The following BMP8A variants were observed in gnomAD, a reference collection of about 807,000 sequenced individuals.
The protein encoded by BMP8A is BMP-8A.
Under a neutral mutation model 36.8 loss-of-function variants are expected in BMP8A, and 14 were observed. The observed-to-expected ratio is 0.38, with a 90% confidence interval of 0.25 to 0.60. The LOEUF (loss-of-function observed/expected upper bound fraction) is 0.60. Ranked by LOEUF, BMP8A falls within the 20% of genes least tolerant of loss-of-function variation. The pLI, the probability that BMP8A is intolerant of heterozygous loss-of-function variation, is 0.63. For synonymous variants in BMP8A, 120 were observed against 237.7 expected, an observed-to-expected ratio of 0.50 and a Z score of 4.55; for missense variants, 267 against 551.1, an observed-to-expected ratio of 0.48 and a Z score of 5.16.
At chr1:39,505,985 C>CA (rs369981354) in intron 1 of BMP8A, among the ~76,000 whole-genome samples, 4,670 of 93,846 alleles carry the variant, frequency 0.05, 614 homozygotes, top group East Asian at 0.32. Flanking sequence ...GACCCTGTCT[C>CA]CAAAAAAAAA....
intron 1 of BMP8A, among the ~76,000 whole-genome samples, chr1:39,510,749 C>T (rs1034106997): frequency 5.3e-5 from 8 of 152,232 alleles, no homozygotes; most frequent in South Asian, 2.1e-4. Flanking sequence ...TCGGTTATGT[C>T]CCTGTCTACC....
chr1:39,514,612 TG>T (rs1645381037), intron 3 of BMP8A, among the ~76,000 whole-genome samples: 1 of 151,656 alleles, frequency 6.6e-6, no homozygotes, highest in East Asian at 2.0e-4. Context: ...CTGGGGAAGC[TG>T]GGGGGAAGCT....
intron 1 of BMP8A, among the ~76,000 whole-genome samples, chr1:39,504,209 A>T (rs1645278608): frequency 6.6e-6 from 1 of 150,410 alleles, no homozygotes; most frequent in Non-Finnish European, 1.5e-5. Flanking sequence ...AAGAAATAAG[A>T]TACAGAGAGA....
chr1:39,496,657 GGAGA>G (rs1196077120), intron 1 of BMP8A, among the ~76,000 whole-genome samples: 2 of 152,176 alleles, frequency 1.3e-5, no homozygotes, highest in Non-Finnish European at 2.9e-5. Context: ...TTGAAAGAGA[GGAGA>G]GAGAGGCTCA....
rs553914535 is a variant in BMP8A at position 39,510,171 on chromosome 1, G to C, written c.335-1003G>C. On this transcript the variant is annotated intron_variant, in intron 1 of 6. Coordinates refer to ENST00000331593, the MANE Select transcript of BMP8A (RefSeq NM_181809.4). Reference sequence around the variant, plus strand: ...AGCCCAGGCTCCTGGCCCGGGATTCGCACCCTCAGCAGGCAGGCCGCAGCA... The same window carrying C: ...AGCCCAGGCTCCTGGCCCGGGATTCCCACCCTCAGCAGGCAGGCCGCAGCA... Among the ~76,000 whole-genome samples the C allele has an allele frequency of 1.7e-4, 24 of 137,942 alleles. No homozygotes were observed. In the East Asian group the frequency reaches 5.1e-3, roughly 29 times the overall value. 90.5% of individuals were successfully genotyped at this position (137,942 alleles called of 152,430 possible). A position where few individuals can be genotyped will look rare whatever the true frequency, so the allele number is the denominator to read the frequency against.
chr1:39,506,722 C>T (rs1160149386), intron 1 of BMP8A, among the ~76,000 whole-genome samples: 2 of 152,076 alleles, frequency 1.3e-5, no homozygotes, highest in Non-Finnish European at 2.9e-5. Context: ...TCTTTGTGTA[C>T]TTCCTAGCAC....
chr1:39,525,629 T>C lies in BMP8A; in HGVS notation c.1060-20T>C. 1.2e-6 allele frequency: 2 copies of C among 1,612,848 alleles called. No homozygotes were observed. Among genetic ancestry groups the C allele is most frequent in the Non-Finnish European group, 1.7e-6 (2 of 1,179,904 alleles). On this transcript the variant is annotated intron_variant, in intron 6 of 6. Transcript: ENST00000331593. ...AGGCCACTGGCCTCATGCCCCTGCCTGTGCTCCCTTCCTGGCCAGGTGCAC... is the reference window on the plus strand; with the variant it reads ...AGGCCACTGGCCTCATGCCCCTGCCCGTGCTCCCTTCCTGGCCAGGTGCAC...
chr1:39,493,577 T>C (rs1645179941), intron 1 of BMP8A, among the ~76,000 whole-genome samples: 1 of 152,210 alleles, frequency 6.6e-6, no homozygotes, highest in Admixed American at 6.5e-5. Flanking sequence ...CTTCCTACAC[T>C]AGAGCAGAAG....
rs1645499430 is a variant in BMP8A, at chr1:39,527,889, A to G, written c.*2091A>G. Among the ~76,000 whole-genome samples, 1 of 152,194 alleles carries G rather than the reference A, an allele frequency of 6.6e-6. No homozygotes were observed. The highest frequency in any genetic ancestry group is 2.4e-5 in the African/African-American group (1 of 41,458). On this transcript the variant is annotated 3_prime_UTR_variant, in exon 7 of 7. Coordinates refer to ENST00000331593, the MANE Select transcript of BMP8A (RefSeq NM_181809.4). Reference sequence around the variant, plus strand: ...AAGGCTCTTCCAACCCAGAGAACCCATCTGCCCCCATGACCTTCTCCCAGA... The same window carrying G: ...AAGGCTCTTCCAACCCAGAGAACCCGTCTGCCCCCATGACCTTCTCCCAGA...
In BMP8A at chr1:39,526,013, C is replaced by T; in HGVS notation, c.*215C>T. On this transcript the variant is annotated 3_prime_UTR_variant, in exon 7 of 7. Coordinates refer to ENST00000331593, the MANE Select transcript of BMP8A (RefSeq NM_181809.4). ...TCACTCTGCCCGACACTTTGGTGGC[C>T]TAAGGCACACAGCAGCCTCAGAGCC... 1.3e-6 allele frequency: 1 copy of T among 772,298 alleles called. No individual in the cohort carries two copies. The highest frequency in any genetic ancestry group is 2.7e-5 in the East Asian group (1 of 36,392). The allele number at this position is 772,298 out of a possible 1,614,324, so 47.8% of individuals were successfully genotyped here.
In BMP8A at chr1:39,524,441, T is replaced by C. The variant is rs1382210906; in HGVS notation, c.1060-1208T>C. 6.6e-6 allele frequency among the ~76,000 whole-genome samples: 1 copy of C among 151,474 alleles called. No individual in the cohort carries two copies. Among genetic ancestry groups the C allele is most frequent in the East Asian group, 1.9e-4 (1 of 5,136 alleles). On this transcript the variant is annotated intron_variant, in intron 6 of 6. Coordinates refer to ENST00000331593, the MANE Select transcript of BMP8A (RefSeq NM_181809.4). The surrounding 1 kb of genome is among the most constrained non-coding windows in gnomAD (Gnocchi z 4.0). Reference sequence around the variant, plus strand: ...CAGAGCAGCCGTGCCGTCAGTGGAGTGAGACTGGGCCCAGCCTCTCCACAC... The same window carrying C: ...CAGAGCAGCCGTGCCGTCAGTGGAGCGAGACTGGGCCCAGCCTCTCCACAC...
intron 1 of BMP8A, among the ~76,000 whole-genome samples, chr1:39,493,325 C>G (rs182159128): frequency 6.6e-6 from 1 of 152,348 alleles, no homozygotes; most frequent in East Asian, 1.9e-4. Context: ...GGTCTTCATC[C>G]CCATCTCCCA....
intron 1 of BMP8A, among the ~76,000 whole-genome samples, chr1:39,501,977 C>T (rs981281012): frequency 3.3e-5 from 5 of 150,432 alleles, no homozygotes; most frequent in Admixed American, 6.6e-5. Flanking sequence ...CAATGGCTCA[C>T]GCCTATAATC....
chr1:39,525,879 C>G lies in BMP8A; in HGVS notation c.*81C>G, dbSNP rs185084410. The G allele has an allele frequency of 5.7e-6, 9 of 1,588,778 alleles. No individual in the cohort carries two copies. The East Asian group carries it at 2.0e-4, about 36-fold the overall frequency. ...GAGGCAGAAAACCCTTAAATGCTGT[C>G]ACAGCTCAAGCAGGAGTGTCAGGGG... On this transcript the variant is annotated 3_prime_UTR_variant, in exon 7 of 7. Transcript: ENST00000331593.
intron 3 of BMP8A, among the ~76,000 whole-genome samples, chr1:39,518,047 G>T (rs1377550386): frequency 6.6e-6 from 1 of 152,140 alleles, no homozygotes; most frequent in African/African-American, 2.4e-5. Flanking sequence ...CCAAGAGGCT[G>T]CGAGGCATTT....
In BMP8A at chr1:39,502,124, G is replaced by A. The variant is rs1419729433; in HGVS notation, c.335-9050G>A. Among the ~76,000 whole-genome samples the A allele has an allele frequency of 6.6e-5, 10 of 151,770 alleles. No homozygotes were observed. In the East Asian group the frequency reaches 1.9e-3, roughly 30 times the overall value. On this transcript the variant is annotated intron_variant, in intron 1 of 6. Coordinates refer to ENST00000331593, the MANE Select transcript of BMP8A (RefSeq NM_181809.4). ...TTAGTGGCAGGCACTTGTAATCCCA[G>A]CTACTCGGGAGGCTGAGGCAGGAGA...
chr1:39,523,212 T>C, intron 6 of BMP8A, 95 bp downstream of exon 6: 1 of 1,389,096 alleles, frequency 7.2e-7, no homozygotes, highest in Non-Finnish European at 1.0e-6. Flanking sequence ...TGAGGCCACC[T>C]GCTCCATGTC....
At chr1:39,523,637 C>T in intron 6 of BMP8A, 2 of 1,450,164 alleles carry the variant, frequency 1.4e-6, no homozygotes, top group South Asian at 1.4e-5. Context: ...CAGTTTCTCT[C>T]TTGGCTGTCT....
intron 1 of BMP8A, among the ~76,000 whole-genome samples, chr1:39,497,731 T>C (rs1306922630): frequency 1.3e-5 from 2 of 152,014 alleles, no homozygotes; most frequent in Admixed American, 1.3e-4. Flanking sequence ...GGACCAATTC[T>C]GACTCTTCCC....
Sources: allele counts gnomAD v4.1 joint callset (sites outside exome capture counted in the v4.1 genomes callset), GRCh38; gene constraint gnomAD v4.1.1; non-coding constraint Gnocchi (gnomAD v3.1); transcripts MANE v1.5; gene names NCBI Gene and HGNC (gene_info 2026-07-23, HGNC 2026-07-21).